Variants in AGBL1 observed in about 807,000 individuals in gnomAD.
The protein encoded by AGBL1 is cytosolic carboxypeptidase 4.
In AGBL1, 130 loss-of-function variants were observed where a neutral mutation model predicts 118.9. That is an observed-to-expected ratio of 1.09 (90% CI 0.95 to 1.26). The LOEUF (loss-of-function observed/expected upper bound fraction) is 1.26, where lower values mean the gene tolerates loss of function less well. AGBL1 is among the 50% of genes most tolerant of loss of function. AGBL1 has a pLI of 0.00. For synonymous variants in AGBL1, 555 were observed against 478.9 expected, an observed-to-expected ratio of 1.16 and a Z score of -2.08; for missense variants, 1,584 against 1,298.1, an observed-to-expected ratio of 1.22 and a Z score of -3.38.
intron 22 of AGBL1, among the ~76,000 whole-genome samples, chr15:86,815,837 A>T (rs1482580498): frequency 6.6e-6 from 1 of 152,200 alleles, no homozygotes; most frequent in East Asian, 1.9e-4. Flanking sequence ...GTGATTCCAG[A>T]ATTTTGAAAC....
At chr15:86,448,290 C>A (rs941403895) in intron 18 of AGBL1, among the ~76,000 whole-genome samples, 1 of 152,168 alleles carries the variant, frequency 6.6e-6, no homozygotes, top group Non-Finnish European at 1.5e-5. Flanking sequence ...TGTTTACGAA[C>A]GCCATTTCCT....
intron 6 of AGBL1, among the ~76,000 whole-genome samples, chr15:86,234,186 C>T (rs1448634856): frequency 6.6e-6 from 1 of 152,044 alleles, no homozygotes; most frequent in East Asian, 1.9e-4. Context: ...TATAAAAGTG[C>T]TCAAGGTGGC....
intron 23 of AGBL1, among the ~76,000 whole-genome samples, chr15:86,944,710 CTTCAA>C (rs1200855134): frequency 6.6e-6 from 1 of 152,028 alleles, no homozygotes. Flanking sequence ...TTTTTAATAC[CTTCAA>C]TTCATTTTCA....
chr15:86,828,206 G>T (rs560520233), intron 22 of AGBL1, among the ~76,000 whole-genome samples: 8 of 151,868 alleles, frequency 5.3e-5, no homozygotes, highest in Admixed American at 2.6e-4. Flanking sequence ...GCTTCCCAAA[G>T]TTCTGAGATT....
chr15:86,147,787 C>T (rs1188842134), intron 3 of AGBL1, among the ~76,000 whole-genome samples: 4 of 152,358 alleles, frequency 2.6e-5, no homozygotes, highest in Non-Finnish European at 4.4e-5. Context: ...GCTCTGAGAA[C>T]AGACAGACTG....
Position 86,269,944 on chromosome 15 carries a change from G to C in AGBL1, c.1864G>C (p.Ala622Pro). 1 of 1,613,804 alleles carries C rather than the reference G, an allele frequency of 6.2e-7. No homozygotes were observed. The highest frequency in any genetic ancestry group is 8.5e-7 in the Non-Finnish European group (1 of 1,179,798). The change falls in exon 14 of 23, where the codon GCA (alanine) becomes CCA (proline). Residue 622 changes from alanine to proline, a missense_variant. Physicochemically the swap from Ala to Pro is conservative, Grantham distance 27. Coordinates refer to ENST00000614907, the MANE Select transcript of AGBL1 (RefSeq NM_001386094.1). ...REFEYDLLVN[A>P]DVNSTQHQQW... ...GTTCGAGTATGACTTGCTGGTCAAC[G>C]CAGATGTGAATAGCACCCAGCACCA...
At chr15:86,196,481 A>G (rs2077804412) in intron 5 of AGBL1, among the ~76,000 whole-genome samples, 1 of 152,154 alleles carries the variant, frequency 6.6e-6, no homozygotes, top group South Asian at 2.1e-4. Context: ...GTATCTTTGG[A>G]CAGAATTGGG....
At chr15:86,864,978 A>C (rs952707101) in intron 22 of AGBL1, among the ~76,000 whole-genome samples, 13 of 152,238 alleles carry the variant, frequency 8.5e-5, no homozygotes, top group African/African-American at 2.9e-4. Flanking sequence ...TTTCTTGCTT[A>C]TTGCCTTCTT....
At chr15:86,985,306 G>A (rs2081270965) in intron 23 of AGBL1, among the ~76,000 whole-genome samples, 1 of 152,130 alleles carries the variant, frequency 6.6e-6, no homozygotes, top group Non-Finnish European at 1.5e-5. Flanking sequence ...ACTTAATCAG[G>A]AACTTCCTAA....
intron 18 of AGBL1, among the ~76,000 whole-genome samples, chr15:86,431,423 C>T (rs1475154246): frequency 1.3e-5 from 2 of 152,194 alleles, no homozygotes; most frequent in Admixed American, 6.5e-5. Flanking sequence ...AATATGGTGT[C>T]CACAAAAGTG....
At chr15:86,247,612 T>C (rs2141991959) in intron 6 of AGBL1, 59 bp from the exon 7 acceptor site, 2 of 1,471,800 alleles carry the variant, frequency 1.4e-6, no homozygotes, top group Non-Finnish European at 1.9e-6. Flanking sequence ...TGGAACATTC[T>C]CAAAGAGGTG....
intron 23 of AGBL1, among the ~76,000 whole-genome samples, chr15:86,975,203 GTAAT>G (rs139588657): frequency 0.04 from 6,078 of 152,078 alleles, 150 homozygotes; most frequent in Middle Eastern, 0.068. Flanking sequence ...CGGAGACTAG[GTAAT>G]TAATAAAGGA....
At chr15:86,976,752 T>C (rs1461220795) in intron 23 of AGBL1, among the ~76,000 whole-genome samples, 1 of 152,044 alleles carries the variant, frequency 6.6e-6, no homozygotes, top group Admixed American at 6.6e-5. Context: ...TCGTATCTTT[T>C]TTATTACAAA....
rs550037259 is a variant in AGBL1 at position 86,636,441 on chromosome 15, CAGG to C, written c.2995-37829_2995-37827del. Among the ~76,000 whole-genome samples the C allele has an allele frequency of 1.4e-4, 21 of 149,724 alleles. No individual in the cohort carries two copies. In the East Asian group the frequency reaches 2.6e-3, roughly 18 times the overall value. On this transcript the variant is annotated intron_variant, in intron 21 of 22. Coordinates refer to ENST00000614907, the MANE Select transcript of AGBL1 (RefSeq NM_001386094.1). The stretch of plus-strand genomic sequence containing the variant: ...TCCGATTTAAAACATACAGAGAAGA[CAGG>C]AGAGGAGAAGAGGGGACATGAGAAA...
At position 86,272,920 on chromosome 15, in the gene AGBL1, C is replaced by T. The variant is rs142363830; in HGVS notation, c.2075+1214C>T. On this transcript the variant is annotated intron_variant, in intron 15 of 22. Coordinates refer to ENST00000614907, the MANE Select transcript of AGBL1 (RefSeq NM_001386094.1). ...CTTAAGACTCTTAGGGCCTTTCCTA[C>T]GGTTCAGAGAGATTTAGATTAAAAA... 2.4e-4 allele frequency among the ~76,000 whole-genome samples: 37 copies of T among 152,184 alleles called. No individual in the cohort carries two copies. In the East Asian group the frequency reaches 6.0e-3, roughly 25 times the overall value.
chr15:86,113,232 C>G (rs1489950443), intron 1 of AGBL1, among the ~76,000 whole-genome samples: 1 of 88,800 alleles, frequency 1.1e-5, no homozygotes, highest in African/African-American at 7.2e-5. Context: ...CTTTTCTTTT[C>G]TTTTCTTTTC....
At chr15:87,024,874 A>C (rs1305370429) in intron 24 of AGBL1, among the ~76,000 whole-genome samples, 1 of 152,126 alleles carries the variant, frequency 6.6e-6, no homozygotes, top group Non-Finnish European at 1.5e-5. Context: ...AAATAAAAAC[A>C]AAAACACATG....
At chr15:86,791,752 T>TATA (rs1596484570) in intron 22 of AGBL1, among the ~76,000 whole-genome samples, 1 of 127,588 alleles carries the variant, frequency 7.8e-6, no homozygotes, top group East Asian at 2.7e-4. Context: ...ATATATATAT[T>TATA]TTGAGACAGA....
chr15:86,637,385 A>G (rs950566075), intron 21 of AGBL1, among the ~76,000 whole-genome samples: 1 of 152,134 alleles, frequency 6.6e-6, no homozygotes, highest in East Asian at 1.9e-4. Context: ...AACACAAATG[A>G]GAAAGGCACT....
Sources: gnomAD v4.1 joint callset for allele counts (sites outside exome capture counted in the v4.1 genomes callset) on GRCh38, gnomAD v4.1.1 for gene constraint, MANE v1.5 for transcripts, NCBI Gene and HGNC (gene_info 2026-07-23, HGNC 2026-07-21) for gene names.